Variants in COL22A1 observed in about 807,000 individuals in gnomAD.
COL22A1 encodes the protein collagen type XXII alpha 1 chain, also known as collagen alpha-1(XXII) chain.
In COL22A1, 221 loss-of-function variants were observed where a neutral mutation model predicts 248.9. The observed-to-expected ratio is 0.89, with a 90% confidence interval of 0.80 to 0.99. The LOEUF is 0.99. Among genes scored for constraint, COL22A1 ranks in the 50% least tolerant of loss-of-function variants. COL22A1 has a pLI of 0.00. For synonymous variants in COL22A1, 891 were observed against 793.4 expected (o/e 1.12, Z -2.07); for missense variants, 2,240 against 2,179.0 (o/e 1.03, Z -0.56).
At chr8:138,638,670 G>C (rs1821407195) in intron 47 of COL22A1, among the ~76,000 whole-genome samples, 1 of 152,110 alleles carries the variant, frequency 6.6e-6, no homozygotes, top group Non-Finnish European at 1.5e-5. Flanking sequence ...CATTTCTTCT[G>C]ACATTTTTCC....
chr8:138,663,733 G>T lies in COL22A1; in HGVS notation c.3158C>A (p.Ser1053Tyr), dbSNP rs748267138. The T allele has an allele frequency of 6.2e-7, 1 of 1,610,802 alleles. No individual in the cohort carries two copies. The highest frequency in any genetic ancestry group is 2.2e-5 in the East Asian group (1 of 44,828). ...GGATCCTTTGTCTCCTGGTGGTCCGGAAGGGCCCTAGAAACAAACAAACAA... is the reference window on the plus strand; with the variant it reads ...GGATCCTTTGTCTCCTGGTGGTCCGTAAGGGCCCTAGAAACAAACAAACAA... ...GIGVAGPPGP[S>Y]GPPGDKGSPG... Residue 1053 changes from serine to tyrosine, a missense_variant, in exon 42 of 65, where the codon TCC becomes TAC. Ser to Tyr is a moderately radical substitution (Grantham distance 144, BLOSUM62 -2). Coordinates refer to ENST00000303045, the MANE Select transcript of COL22A1 (RefSeq NM_152888.3).
intron 22 of COL22A1, among the ~76,000 whole-genome samples, chr8:138,747,790 T>A (rs1332511148): frequency 1.3e-5 from 2 of 151,782 alleles, no homozygotes; most frequent in Non-Finnish European, 2.9e-5. Context: ...GTTGAATGGA[T>A]GAATTTGTGG....
rs528615596 is a variant in COL22A1, at chr8:138,777,904, A to G, written c.1758+449T>C. ...GAAGCTACTTTGTTCCTCATACACCATATCTGTTTGTTCATCTCTTTATTC... is the reference window on the plus strand; with the variant it reads ...GAAGCTACTTTGTTCCTCATACACCGTATCTGTTTGTTCATCTCTTTATTC... On this transcript the variant is annotated intron_variant, in intron 15 of 64. Coordinates refer to ENST00000303045, the MANE Select transcript of COL22A1 (RefSeq NM_152888.3). 7 of 197,118 alleles carry G rather than the reference A, an allele frequency of 3.6e-5. No homozygotes were observed. In the South Asian group the frequency reaches 5.8e-4, roughly 16 times the overall value. The allele number at this position is 197,118 out of a possible 1,614,324, so 12.2% of individuals were successfully genotyped here.
At chr8:138,867,469 A>G (rs559549098) in intron 3 of COL22A1, among the ~76,000 whole-genome samples, 1 of 152,330 alleles carries the variant, frequency 6.6e-6, no homozygotes, top group Admixed American at 6.5e-5. Context: ...AACCACAGTA[A>G]AAACCACAAC....
chr8:138,875,881 C>G (rs1823681654), intron 3 of COL22A1, among the ~76,000 whole-genome samples: 1 of 152,218 alleles, frequency 6.6e-6, no homozygotes, highest in African/African-American at 2.4e-5. Flanking sequence ...GCCTTGCATG[C>G]TCTAGGGTAG....
chr8:138,909,792 G>C (rs1416377906), intron 1 of COL22A1, among the ~76,000 whole-genome samples: 1 of 152,106 alleles, frequency 6.6e-6, no homozygotes, highest in Non-Finnish European at 1.5e-5. Context: ...ACACTCTCTG[G>C]GTATCTGCCA....
rs200304709 is a variant in COL22A1 at position 138,826,611 on chromosome 8, G to T, written c.969+47C>A. 5.7e-5 allele frequency: 92 copies of T among 1,603,628 alleles called. 1 individual carries two copies. The East Asian group carries it at 1.5e-3, about 27-fold the overall frequency. ...GGTGGTGCCATCCACTGTGAGAGGG[G>T]AACAGAAAGCTCAGGACCACTGAGA... On this transcript the variant is annotated intron_variant, in intron 6 of 64. Coordinates refer to ENST00000303045, the MANE Select transcript of COL22A1 (RefSeq NM_152888.3).
intron 58 of COL22A1, among the ~76,000 whole-genome samples, chr8:138,605,915 A>G (rs916155527): frequency 6.6e-6 from 1 of 152,170 alleles, no homozygotes; most frequent in Non-Finnish European, 1.5e-5. Flanking sequence ...CTACGGCTCA[A>G]ACTTGCTCAC....
At chr8:138,904,892 G>A (rs556471361) in intron 1 of COL22A1, among the ~76,000 whole-genome samples, 180 of 152,232 alleles carry the variant, frequency 1.2e-3, no homozygotes, top group African/African-American at 4.1e-3. Flanking sequence ...ACAGCGGGAG[G>A]GCCATGGACC....
chr8:138,635,430 G>T (rs117102790), intron 48 of COL22A1, among the ~76,000 whole-genome samples: 1 of 152,130 alleles, frequency 6.6e-6, no homozygotes, highest in South Asian at 2.1e-4. Flanking sequence ...AGATATGCTT[G>T]AAGTGTTTCA....
At chr8:138,759,318 C>A (rs1833261556) in intron 18 of COL22A1, among the ~76,000 whole-genome samples, 1 of 152,208 alleles carries the variant, frequency 6.6e-6, no homozygotes, top group Non-Finnish European at 1.5e-5. Context: ...CAGACAATGA[C>A]CTTCACCTGA....
At chr8:138,692,757 T>C (rs1827194068) in intron 35 of COL22A1, among the ~76,000 whole-genome samples, 1 of 151,984 alleles carries the variant, frequency 6.6e-6, no homozygotes, top group Admixed American at 6.6e-5. Flanking sequence ...AGCTTCCTCC[T>C]TGCCTACACT....
At chr8:138,713,558 G>A (rs768926976) in intron 30 of COL22A1, among the ~76,000 whole-genome samples, 27 of 152,162 alleles carry the variant, frequency 1.8e-4, no homozygotes, top group African/African-American at 2.9e-4. Context: ...CAAACATCTC[G>A]TGCATGTGCG....
chr8:138,778,206 TAAGA>T, intron 15 of COL22A1, 143 bp downstream of exon 15: 1 of 834,496 alleles, frequency 1.2e-6, no homozygotes. Context: ...ATTTCTGGTC[TAAGA>T]AAGGAGATAC....
At chr8:138,634,897 G>T in intron 49 of COL22A1, 113 bp downstream of exon 49, 3 of 784,868 alleles carry the variant, frequency 3.8e-6, no homozygotes, top group South Asian at 1.6e-5. Flanking sequence ...TTTGGGTGTT[G>T]GGCCATCCCT....
At chr8:138,807,110 A>G (rs1360271403) in intron 10 of COL22A1, among the ~76,000 whole-genome samples, 1 of 152,200 alleles carries the variant, frequency 6.6e-6, no homozygotes, top group Non-Finnish European at 1.5e-5. Context: ...AGTGAGAGAT[A>G]AAGACAGAGA....
intron 30 of COL22A1, among the ~76,000 whole-genome samples, chr8:138,703,652 G>A (rs1304307233): frequency 3.3e-5 from 5 of 152,172 alleles, no homozygotes; most frequent in African/African-American, 9.7e-5. Flanking sequence ...TGGTAATAAA[G>A]TGAAGGGGGA....
At chr8:138,765,320 G>A (rs1321876605) in intron 16 of COL22A1, among the ~76,000 whole-genome samples, 2 of 152,168 alleles carry the variant, frequency 1.3e-5, no homozygotes, top group African/African-American at 4.8e-5. Flanking sequence ...TTGAGCCCAT[G>A]GACTCTCACC....
chr8:138,763,338 G>T (rs780396974), intron 16 of COL22A1, among the ~76,000 whole-genome samples: 1 of 151,882 alleles, frequency 6.6e-6, no homozygotes, highest in African/African-American at 2.4e-5. Context: ...AGCAAGTTGA[G>T]GTCATGCCAC....
Sources: allele counts gnomAD v4.1 joint callset (sites outside exome capture counted in the v4.1 genomes callset), GRCh38; gene constraint gnomAD v4.1.1; transcripts MANE v1.5; gene names NCBI Gene and HGNC (gene_info 2026-07-23, HGNC 2026-07-21).